Variants in SPG11 observed in about 807,000 individuals in gnomAD.
SPG11 encodes the protein SPG11 vesicle trafficking associated, spatacsin, also known as spatacsin.
In SPG11, 222 loss-of-function variants were observed where a neutral mutation model predicts 274.0. That is an observed-to-expected ratio of 0.81 (90% CI 0.73 to 0.91). The LOEUF is 0.91. SPG11 is among the 40% of genes least tolerant of loss of function. The pLI is 0.00. For missense variants in SPG11, 3,114 were observed against 2,872.7 expected, an observed-to-expected ratio of 1.08 and a Z score of -1.92; for synonymous variants, 1,144 against 1,039.7, an observed-to-expected ratio of 1.10 and a Z score of -1.93.
chr15:44,656,506 TG>T (rs1245574906), intron 4 of SPG11, among the ~76,000 whole-genome samples: 3 of 152,152 alleles, frequency 2.0e-5, no homozygotes, highest in Non-Finnish European at 2.9e-5. Flanking sequence ...GTCAATGAAT[TG>T]GAAATTCCAG....
At chr15:44,570,247 C>G (rs1277564531) in intron 34 of SPG11, among the ~76,000 whole-genome samples, 2 of 152,220 alleles carry the variant, frequency 1.3e-5, no homozygotes, top group Admixed American at 1.3e-4. Flanking sequence ...TCTTAGCCCT[C>G]TATCTAGAAA....
chr15:44,577,516 A>G (rs2082564212), intron 30 of SPG11, among the ~76,000 whole-genome samples: 1 of 150,608 alleles, frequency 6.6e-6, no homozygotes, highest in African/African-American at 2.4e-5. Flanking sequence ...AAAAAAAAAA[A>G]AAACAAAACA....
At chr15:44,621,457 C>A in intron 14 of SPG11, 1 of 362,422 alleles carries the variant, frequency 2.8e-6, no homozygotes, top group Non-Finnish European at 5.2e-6. Context: ...GGCATAGATC[C>A]CCAATTTACA....
At chr15:44,608,179 G>GT (rs1453586383) in intron 19 of SPG11, among the ~76,000 whole-genome samples, 1 of 152,148 alleles carries the variant, frequency 6.6e-6, no homozygotes, top group Admixed American at 6.5e-5. Flanking sequence ...CTGGTTGTTA[G>GT]TTTAACTCCC....
intron 18 of SPG11, among the ~76,000 whole-genome samples, chr15:44,609,729 G>A (rs116201431): frequency 0.046 from 6,838 of 149,530 alleles, 405 homozygotes; most frequent in African/African-American, 0.12. Flanking sequence ...CCCTGCCCCC[G>A]CCCAGCTTTT....
chr15:44,578,183 C>T (rs575069328), intron 30 of SPG11, among the ~76,000 whole-genome samples: 1 of 149,684 alleles, frequency 6.7e-6, no homozygotes, highest in South Asian at 2.1e-4. Flanking sequence ...CGCCACCACG[C>T]GTGGCTATTT....
At chr15:44,645,443 C>T (rs1199171537) in intron 7 of SPG11, among the ~76,000 whole-genome samples, 1 of 152,158 alleles carries the variant, frequency 6.6e-6, no homozygotes, top group East Asian at 1.9e-4. Context: ...GAACCCCTTT[C>T]TTATACCACA....
At position 44,598,802 on chromosome 15, in the gene SPG11, C is replaced by G. The variant is rs781544173; in HGVS notation, c.3721G>C (p.Gly1241Arg). 1 of 1,614,110 alleles carries G rather than the reference C, an allele frequency of 6.2e-7. No individual in the cohort carries two copies. Among genetic ancestry groups the G allele is most frequent in the Non-Finnish European group, 8.5e-7 (1 of 1,180,008 alleles). ...QQVGNEAYVI[G>R]LSSFHIPSIG... ...GAAGGTATGTGGAAGGAGGAGAGCCCTATAACATAGGCTTCATTGCCTACT... is the reference window on the plus strand; with the variant it reads ...GAAGGTATGTGGAAGGAGGAGAGCCGTATAACATAGGCTTCATTGCCTACT... Residue 1241 changes from glycine (G) to arginine (R), a missense_variant, in exon 22 of 40, where the codon GGG becomes CGG. Coordinates refer to ENST00000261866, the MANE Select transcript of SPG11 (RefSeq NM_025137.4).
At chr15:44,661,667 A>G (rs957750586) in intron 1 of SPG11, among the ~76,000 whole-genome samples, 1 of 152,168 alleles carries the variant, frequency 6.6e-6, no homozygotes, top group African/African-American at 2.4e-5. Context: ...GTAGAAAATA[A>G]CCTAAATGTC....
intron 7 of SPG11, among the ~76,000 whole-genome samples, chr15:44,636,938 A>AC (rs1215995730): frequency 0.032 from 3,651 of 112,970 alleles, 77 homozygotes; most frequent in Non-Finnish European, 0.052. Context: ...AAAAAAAAAA[A>AC]AAAAAAAAAA....
intron 7 of SPG11, among the ~76,000 whole-genome samples, chr15:44,646,710 G>C (rs994830478): frequency 3.9e-5 from 6 of 152,202 alleles, no homozygotes; most frequent in African/African-American, 1.4e-4. Flanking sequence ...ATTATCCTAA[G>C]TGAACTAATG....
At chr15:44,612,031 G>C (rs570044727) in intron 17 of SPG11, among the ~76,000 whole-genome samples, 2 of 152,048 alleles carry the variant, frequency 1.3e-5, no homozygotes, top group South Asian at 2.1e-4. Context: ...GGATGGCCTC[G>C]ATCTCCTGAC....
intron 26 of SPG11, 47 bp downstream of exon 26, chr15:44,595,212 G>A: frequency 6.4e-7 from 1 of 1,552,302 alleles, no homozygotes; most frequent in Non-Finnish European, 8.9e-7. Flanking sequence ...GGGATATGCT[G>A]AAGTAATCTC....
At chr15:44,627,440 C>T (rs2083933801) in intron 10 of SPG11, among the ~76,000 whole-genome samples, 1 of 151,968 alleles carries the variant, frequency 6.6e-6, no homozygotes, top group South Asian at 2.1e-4. Flanking sequence ...AAAATATAAC[C>T]CCTTCCCCTG....
intron 12 of SPG11, 145 bp from the exon 13 acceptor site, chr15:44,622,492 T>C (rs917321685): frequency 1.3e-6 from 1 of 793,038 alleles, no homozygotes; most frequent in Admixed American, 2.9e-5. Flanking sequence ...TCAAGAATTA[T>C]ATTTTGAACA....
At chr15:44,576,244 T>C (rs2082536818) in intron 30 of SPG11, among the ~76,000 whole-genome samples, 1 of 150,982 alleles carries the variant, frequency 6.6e-6, no homozygotes, top group Admixed American at 6.6e-5. Flanking sequence ...GGAATATTTA[T>C]ATCACACTTT....
intron 12 of SPG11, 154 bp downstream of exon 12, chr15:44,622,574 G>A: frequency 3.9e-6 from 3 of 774,190 alleles, no homozygotes; most frequent in Non-Finnish European, 4.3e-6. Flanking sequence ...GAAAGATGAA[G>A]GGGAAAAAAA....
At chr15:44,564,869 T>C (rs916345337) in intron 38 of SPG11, among the ~76,000 whole-genome samples, 171 bp from the exon 39 acceptor site, 1 of 152,168 alleles carries the variant, frequency 6.6e-6, no homozygotes, top group Non-Finnish European at 1.5e-5. Context: ...AGGTGTGTGT[T>C]TGGCATTTTC....
chr15:44,622,623 G>A lies in SPG11; in HGVS notation c.2316+105C>T. ...TCACACTTTTACTTATTAGATATTA[G>A]TTGAACATTAAAATTACTTAAGGTT... On this transcript the variant is annotated intron_variant, in intron 12 of 39. Transcript: ENST00000261866. 4 of 984,088 alleles carry A rather than the reference G, an allele frequency of 4.1e-6. No individual in the cohort carries two copies. In the South Asian group the frequency reaches 4.1e-5, roughly 10 times the overall value. 61.0% of individuals were successfully genotyped at this position (984,088 alleles called of 1,614,324 possible).
Sources: gnomAD v4.1 joint callset for allele counts (sites outside exome capture counted in the v4.1 genomes callset) on GRCh38, gnomAD v4.1.1 for gene constraint, MANE v1.5 for transcripts, NCBI Gene and HGNC (gene_info 2026-07-23, HGNC 2026-07-21) for gene names.